Variants in DAPK1 observed in about 807,000 individuals in gnomAD.
The protein encoded by DAPK1 is death associated protein kinase 1, also known as death-associated protein kinase 1.
DAPK1 carries 56 observed loss-of-function variants against 144.9 expected under a neutral mutation model. The ratio of observed to expected loss-of-function variants is 0.39; its 90% confidence interval spans 0.31 to 0.48. The LOEUF is 0.48. DAPK1 is among the 20% of genes least tolerant of loss of function. The pLI, the probability that DAPK1 is intolerant of heterozygous loss-of-function variation, is 0.95. For missense variants in DAPK1, 1,454 were observed against 1,875.4 expected, an observed-to-expected ratio of 0.78 and a Z score of 4.15; for synonymous variants, 690 against 749.0, an observed-to-expected ratio of 0.92 and a Z score of 1.29.
intron 23 of DAPK1, 114 bp from the exon 24 acceptor site, chr9:87,700,002 AC>A: frequency 1.2e-6 from 1 of 815,198 alleles, no homozygotes. Flanking sequence ...TTGCAAGGAC[AC>A]CAGAACTTTC....
intron 3 of DAPK1, among the ~76,000 whole-genome samples, chr9:87,630,664 C>T (rs1345678851): frequency 2.0e-5 from 3 of 152,154 alleles, no homozygotes; most frequent in Non-Finnish European, 4.4e-5. Flanking sequence ...CTGGGAAATG[C>T]CCCTTAGTTG....
Position 87,681,521 on chromosome 9 carries a change from C to T in DAPK1, c.2119C>T (p.Leu707Phe), listed in dbSNP as rs957085886. 1.2e-6 allele frequency: 2 copies of T among 1,609,876 alleles called. No homozygotes were observed. Among genetic ancestry groups the T allele is most frequent in the Non-Finnish European group, 8.5e-7 (1 of 1,176,122 alleles). The change falls in exon 20 of 26, where the codon CTC (leucine) becomes TTC (phenylalanine). Residue 707 changes from leucine to phenylalanine, a missense_variant. Leu to Phe is a conservative substitution (Grantham distance 22). Transcript: ENST00000408954. ...GSGKTTLVES[L>F]KCGLLRSFFR... ...CGGGAAAACCACCCTTGTAGAATCT[C>T]TCAAGTGTGGGCTGCTGAGGAGCTT...
chr9:87,650,204 A>C (rs1311732192), intron 16 of DAPK1, 86 bp downstream of exon 16: 3 of 1,401,148 alleles, frequency 2.1e-6, no homozygotes, highest in Non-Finnish European at 3.0e-6. Flanking sequence ...TGTTTCCCTA[A>C]GATAACAAAC....
In DAPK1 at chr9:87,708,059, G is replaced by T; in HGVS notation, c.*695G>T. 3.2e-6 allele frequency: 1 copy of T among 309,600 alleles called. No homozygotes were observed. Among genetic ancestry groups the T allele is most frequent in the South Asian group, 2.9e-5 (1 of 35,026 alleles). The allele number at this position is 309,600 out of a possible 1,614,324, so 19.2% of individuals were successfully genotyped here. A position where few individuals can be genotyped will look rare whatever the true frequency, so the allele number is the denominator to read the frequency against. ...TTCTGACAGTTTTTCTGTTTTGTTTGGCAAGGAAAGGGGAGAAGGGAATCC... is the reference window on the plus strand; with the variant it reads ...TTCTGACAGTTTTTCTGTTTTGTTTTGCAAGGAAAGGGGAGAAGGGAATCC... On this transcript the variant is annotated 3_prime_UTR_variant, in exon 26 of 26. Coordinates refer to ENST00000408954, the MANE Select transcript of DAPK1 (RefSeq NM_004938.4).
At chr9:87,565,213 A>C (rs983067196) in intron 2 of DAPK1, among the ~76,000 whole-genome samples, 1 of 152,158 alleles carries the variant, frequency 6.6e-6, no homozygotes, top group African/African-American at 2.4e-5. Context: ...GAGGGCAAAC[A>C]GTTGAGAGCA....
In DAPK1 at chr9:87,700,123, A is replaced by G. The variant is rs763893311; in HGVS notation, c.2757A>G (p.Gly919=). 6.2e-7 allele frequency: 1 copy of G among 1,612,360 alleles called. No individual in the cohort carries two copies. The highest frequency in any genetic ancestry group is 8.5e-7 in the Non-Finnish European group (1 of 1,178,360). ...SLLKEIRNRF[G]NDLHISNKLF... is the part of the protein sequence containing the mutation. Reference sequence around the variant, plus strand: ...GCTGCTGCTCTTCCCTTAGGTTTGGAAATGATCTTCACATTTCAAATAAGC... The same window carrying G: ...GCTGCTGCTCTTCCCTTAGGTTTGGGAATGATCTTCACATTTCAAATAAGC... Residue 919 remains glycine (G), a synonymous_variant, in exon 24 of 26, where the codon GGA becomes GGG. Coordinates refer to ENST00000408954, the MANE Select transcript of DAPK1 (RefSeq NM_004938.4).
intron 20 of DAPK1, among the ~76,000 whole-genome samples, chr9:87,683,208 A>C (rs1015895735): frequency 6.6e-6 from 1 of 151,276 alleles, no homozygotes. Flanking sequence ...TCAGCCTCCC[A>C]GGTGGCTGGG....
intron 2 of DAPK1, among the ~76,000 whole-genome samples, chr9:87,505,249 T>C (rs1016248174): frequency 3.9e-5 from 6 of 152,214 alleles, no homozygotes; most frequent in African/African-American, 1.4e-4. Context: ...TTGTATAAAT[T>C]AAGTGAATAT....
intron 17 of DAPK1, among the ~76,000 whole-genome samples, chr9:87,654,017 C>T (rs992126820): frequency 3.3e-5 from 5 of 152,128 alleles, no homozygotes; most frequent in South Asian, 2.1e-4. Flanking sequence ...CTTAGCTTTC[C>T]GCATTGAGAG....
intron 2 of DAPK1, among the ~76,000 whole-genome samples, chr9:87,531,093 G>GCTA (rs1825681712): frequency 6.6e-6 from 1 of 152,152 alleles, no homozygotes; most frequent in Admixed American, 6.5e-5. Flanking sequence ...AGTGAGAAGG[G>GCTA]GTTAGGGGGA....
In DAPK1 at chr9:87,498,015, C is replaced by CCCG. The variant is rs1357513564; in HGVS notation, c.-192_-190dup. ...CCCCCACTCACTCCCTAGCTGTGTT[C>CCCG]CCGCCGCCGCCCCGGCTAGTCTCCG... is the stretch of plus-strand genomic sequence containing the variant. On this transcript the variant is annotated 5_prime_UTR_variant, in exon 1 of 26. Transcript: ENST00000408954. The CCCG allele has an allele frequency of 5.0e-6, 2 of 397,632 alleles. No homozygotes were observed. Among genetic ancestry groups the CCCG allele is most frequent in the African/African-American group, 4.1e-5 (2 of 48,608 alleles). The allele number at this position is 397,632 out of a possible 1,614,324, so 24.6% of individuals were successfully genotyped here. A position where few individuals can be genotyped will look rare whatever the true frequency, so the allele number is the denominator to read the frequency against.
chr9:87,498,468 G>A, intron 1 of DAPK1: 1 of 266,466 alleles, frequency 3.8e-6, no homozygotes, highest in Non-Finnish European at 7.0e-6. Flanking sequence ...TGGCTCTGGG[G>A]ACTGCCTCGC....
chr9:87,497,915 T>G lies in DAPK1; in HGVS notation c.-301T>G, dbSNP rs1019343475. 1.5e-5 allele frequency: 6 copies of G among 394,816 alleles called. No individual in the cohort carries two copies. In the South Asian group the frequency reaches 8.6e-4, roughly 56 times the overall value. 24.5% of individuals were successfully genotyped at this position (394,816 alleles called of 1,614,324 possible). On this transcript the variant is annotated 5_prime_UTR_variant, in exon 1 of 26. Coordinates refer to ENST00000408954, the MANE Select transcript of DAPK1 (RefSeq NM_004938.4). ...CCGGACCGAGCCAACGCCGGGGACT[T>G]TGTTCCCTCCGCGGAGGGGACTCGG...
chr9:87,648,652 C>A, intron 14 of DAPK1, 129 bp from the exon 15 acceptor site: 1 of 764,098 alleles, frequency 1.3e-6, no homozygotes, highest in Non-Finnish European at 2.2e-6. Flanking sequence ...GGCATCTGCC[C>A]AAGGTGGGTG....
chr9:87,651,426 G>A (rs1213324984), intron 16 of DAPK1, 101 bp from the exon 17 acceptor site: 4 of 1,137,568 alleles, frequency 3.5e-6, no homozygotes, highest in Non-Finnish European at 5.3e-6. Context: ...TAGTGATCTT[G>A]TTGCCAATTA....
In DAPK1 at chr9:87,686,487, C is replaced by T. The variant is rs1824858364; in HGVS notation, c.2225-64C>T. 4.3e-6 allele frequency: 4 copies of T among 935,752 alleles called. No individual in the cohort carries two copies. The highest frequency in any genetic ancestry group is 3.0e-5 in the South Asian group (2 of 66,910). 58.0% of individuals were successfully genotyped at this position (935,752 alleles called of 1,614,324 possible). A position where few individuals can be genotyped will look rare whatever the true frequency, so the allele number is the denominator to read the frequency against. Reference sequence around the variant, plus strand: ...CAGAAAAGGAAACCTCAGGGCCAGCCTGGGAGGGAGACAGGCACACGCTGC... The same window carrying T: ...CAGAAAAGGAAACCTCAGGGCCAGCTTGGGAGGGAGACAGGCACACGCTGC... On this transcript the variant is annotated intron_variant, in intron 20 of 25. Coordinates refer to ENST00000408954, the MANE Select transcript of DAPK1 (RefSeq NM_004938.4). This position sits in a 1 kb window ranked among gnomAD's most constrained non-coding sequence, Gnocchi z 4.2.
At chr9:87,501,540 G>A (rs1413043539) in intron 2 of DAPK1, among the ~76,000 whole-genome samples, 1 of 150,696 alleles carries the variant, frequency 6.6e-6, no homozygotes, top group Non-Finnish European at 1.5e-5. Flanking sequence ...GCGAGACTCT[G>A]TCTCAAAAAA....
In DAPK1 at chr9:87,640,405, C is replaced by A. The variant is rs1219271770; in HGVS notation, c.737C>A (p.Ala246Asp). 1.2e-6 allele frequency: 2 copies of A among 1,614,122 alleles called. No homozygotes were observed. Among genetic ancestry groups the A allele is most frequent in the Admixed American group, 1.7e-5 (1 of 60,016 alleles). ...FEDEYFSNTSALAKDFIRRLL... is the reference protein window; with the variant it reads ...FEDEYFSNTSDLAKDFIRRLL... Reference sequence around the variant, plus strand: ...GATGAATACTTCAGTAATACCAGTGCCCTAGCCAAAGATTTCATAAGAAGA... The same window carrying A: ...GATGAATACTTCAGTAATACCAGTGACCTAGCCAAAGATTTCATAAGAAGA... The change falls in exon 8 of 26, where the codon GCC (alanine) becomes GAC (aspartate). Residue 246 changes from alanine to aspartate, a missense_variant. Coordinates refer to ENST00000408954, the MANE Select transcript of DAPK1 (RefSeq NM_004938.4).
In DAPK1 at chr9:87,629,400, A is replaced by G. The variant is rs143983648; in HGVS notation, c.285-8543A>G. Among the ~76,000 whole-genome samples, 552 of 152,354 alleles carry G rather than the reference A, an allele frequency of 3.6e-3. 3 individuals carry two copies. The highest frequency in any genetic ancestry group is 0.011 in the African/African-American group (452 of 41,580). The stretch of plus-strand genomic sequence containing the variant: ...TTAGAGGGAGCATGGCTCTGTAGAC[A>G]CCTTGATTTTGGACTTGTAACCTGA... On this transcript the variant is annotated intron_variant, in intron 3 of 25. Coordinates refer to ENST00000408954, the MANE Select transcript of DAPK1 (RefSeq NM_004938.4).
Sources: gnomAD v4.1 joint callset for allele counts (sites outside exome capture counted in the v4.1 genomes callset) on GRCh38, gnomAD v4.1.1 for gene constraint, Gnocchi (gnomAD v3.1) non-coding constraint, MANE v1.5 for transcripts, NCBI Gene and HGNC (gene_info 2026-07-23, HGNC 2026-07-21) for gene names.